The following ITPK1 variants were observed in gnomAD, a reference collection of about 807,000 sequenced individuals.
The protein encoded by ITPK1 is inositol 1,3,4-trisphosphate 5/6-kinase.
ITPK1 carries 21 observed loss-of-function variants against 45.3 expected under a neutral mutation model. That is an observed-to-expected ratio of 0.46 (90% confidence interval 0.33 to 0.67). The LOEUF (loss-of-function observed/expected upper bound fraction) is 0.67, where lower values mean the gene tolerates loss of function less well. Ranked by LOEUF, ITPK1 falls within the 30% of genes least tolerant of loss-of-function variation. The probability of loss-of-function intolerance (pLI) is 0.02; values close to 1 mark genes in which losing one functional copy is unlikely to be tolerated. For synonymous variants in ITPK1, 258 were observed against 253.6 expected (o/e 1.02, Z -0.16); for missense variants, 474 against 573.5 (o/e 0.83, Z 1.77).
rs139171544 is a variant in ITPK1 at position 93,003,053 on chromosome 14, G to A, written c.247-9056C>T. On this transcript the variant is annotated intron_variant, in intron 4 of 10. Transcript: ENST00000267615. ...CCTCTGTGAGGAGGGTCCGCGTGGC[G>A]CAGGGGGAAGAGCGTGTCAGGGCCA... Among the ~76,000 whole-genome samples, 380 of 152,354 alleles carry A rather than the reference G, an allele frequency of 2.5e-3. 2 individuals are homozygous for A. Among genetic ancestry groups the A allele is most frequent in the African/African-American group, 8.2e-3 (340 of 41,580 alleles).
intron 4 of ITPK1, among the ~76,000 whole-genome samples, chr14:93,000,096 T>C (rs887830979): frequency 2.6e-5 from 4 of 152,242 alleles, no homozygotes; most frequent in African/African-American, 4.8e-5. Context: ...TTCTTTAAGA[T>C]GAAATAGTAC....
intron 7 of ITPK1, among the ~76,000 whole-genome samples, chr14:92,961,086 T>C (rs1048526949): frequency 6.6e-6 from 1 of 152,256 alleles, no homozygotes; most frequent in Non-Finnish European, 1.5e-5. Flanking sequence ...CTGCTGCATC[T>C]TCCCCTTTTA....
intron 4 of ITPK1, among the ~76,000 whole-genome samples, chr14:93,011,751 C>T (rs1029911651): frequency 6.6e-6 from 1 of 152,158 alleles, no homozygotes; most frequent in Non-Finnish European, 1.5e-5. Flanking sequence ...TCAACTTGGA[C>T]GCACCTGGGC....
chr14:92,988,515 C>T (rs1886614882), intron 5 of ITPK1, among the ~76,000 whole-genome samples: 1 of 152,210 alleles, frequency 6.6e-6, no homozygotes, highest in African/African-American at 2.4e-5. Context: ...AGAGGGCACC[C>T]CCAGGGATGA....
At chr14:92,999,203 G>A (rs1887209055) in intron 4 of ITPK1, among the ~76,000 whole-genome samples, 1 of 152,240 alleles carries the variant, frequency 6.6e-6, no homozygotes, top group Admixed American at 6.5e-5. Context: ...TGACCCCTAA[G>A]CCAGCAGGGA....
chr14:93,057,626 G>T (rs1391065285), intron 3 of ITPK1, among the ~76,000 whole-genome samples: 1 of 152,220 alleles, frequency 6.6e-6, no homozygotes, highest in Admixed American at 6.5e-5. Context: ...GAGTGAAACG[G>T]GACCCATGAG....
rs1011717774 is a variant in ITPK1, at chr14:93,012,077, G to A, written c.246+4599C>T. ...GCTCCAAGCAGCCCAGCAGAGCCAC[G>A]TCCTCCCTCCGCAAGGCCATCAGGG... On this transcript the variant is annotated intron_variant, in intron 4 of 10. Coordinates refer to ENST00000267615, the MANE Select transcript of ITPK1 (RefSeq NM_014216.6). This position sits in a 1 kb window ranked among gnomAD's most constrained non-coding sequence, Gnocchi z 4.9. Among the ~76,000 whole-genome samples the A allele has an allele frequency of 3.3e-5, 5 of 152,034 alleles. No individual in the cohort carries two copies. The highest frequency in any genetic ancestry group is 6.6e-5 in the Admixed American group (1 of 15,262).
intron 3 of ITPK1, among the ~76,000 whole-genome samples, chr14:93,018,005 C>T (rs778276523): frequency 1.4e-4 from 21 of 152,294 alleles, no homozygotes; most frequent in Non-Finnish European, 2.4e-4. Context: ...TCTAAGGCTG[C>T]GCTTCTCACT....
At chr14:93,092,978 C>A (rs1455988463) in intron 2 of ITPK1, among the ~76,000 whole-genome samples, 6 of 152,188 alleles carry the variant, frequency 3.9e-5, no homozygotes, top group African/African-American at 1.2e-4. Flanking sequence ...AATAGTCTTT[C>A]CCTAGAGGAA....
chr14:93,050,577 G>A (rs1482862526), intron 3 of ITPK1, among the ~76,000 whole-genome samples: 8 of 152,132 alleles, frequency 5.3e-5, no homozygotes, highest in Admixed American at 4.6e-4. Context: ...TGCACACTTT[G>A]AGGGCCTGCC....
chr14:93,007,207 C>T (rs922148228), intron 4 of ITPK1, among the ~76,000 whole-genome samples: 2 of 152,234 alleles, frequency 1.3e-5, no homozygotes, highest in South Asian at 4.1e-4. Context: ...CCCCTAAGCA[C>T]CTGTCTGAAC....
At chr14:92,952,980 C>T (rs1888030991) in intron 8 of ITPK1, among the ~76,000 whole-genome samples, 1 of 152,232 alleles carries the variant, frequency 6.6e-6, no homozygotes, top group African/African-American at 2.4e-5. Context: ...GCCGCCAGCC[C>T]CAGCAGCCCC....
At chr14:93,025,901 G>A (rs925033238) in intron 3 of ITPK1, among the ~76,000 whole-genome samples, 2 of 152,196 alleles carry the variant, frequency 1.3e-5, no homozygotes, top group Admixed American at 6.5e-5. Flanking sequence ...GTTGAGGCAG[G>A]TGGATCGCCT....
In ITPK1 at chr14:92,940,012, T is replaced by C. The variant is rs1276657989; in HGVS notation, c.*1549A>G. 3 of 985,728 alleles carry C rather than the reference T, an allele frequency of 3.0e-6. No individual in the cohort carries two copies. Among genetic ancestry groups the C allele is most frequent in the Non-Finnish European group, 3.6e-6 (3 of 829,948 alleles). The allele number at this position is 985,728 out of a possible 1,614,324, so 61.1% of individuals were successfully genotyped here. A position where few individuals can be genotyped will look rare whatever the true frequency, so the allele number is the denominator to read the frequency against. On this transcript the variant is annotated 3_prime_UTR_variant, in exon 11 of 11. Transcript: ENST00000267615. ...AAAACTCAAGTCGTGTAAACGTGGT[T>C]AGTTGTTGGGTCCTCAGTTTCCAAA...
chr14:92,987,369 A>G, intron 5 of ITPK1, among the ~76,000 whole-genome samples: 1 of 152,140 alleles, frequency 6.6e-6, no homozygotes, highest in East Asian at 1.9e-4. Flanking sequence ...CCTGCCCTGA[A>G]CATCCCTGGC....
rs1166860310 is a variant in ITPK1 at position 92,939,899 on chromosome 14, C to T, written c.*1662G>A. On this transcript the variant is annotated 3_prime_UTR_variant, in exon 11 of 11. Transcript: ENST00000267615. ...TCAGTAGTTTATTTTGGAGACAAAGCAGTGCAAGAGGCCAGCCACGCTTTC... is the reference window on the plus strand; with the variant it reads ...TCAGTAGTTTATTTTGGAGACAAAGTAGTGCAAGAGGCCAGCCACGCTTTC... The T allele has an allele frequency of 2.0e-6, 2 of 985,728 alleles. No homozygotes were observed. Among genetic ancestry groups the T allele is most frequent in the Non-Finnish European group, 2.4e-6 (2 of 829,958 alleles). The allele number at this position is 985,728 out of a possible 1,614,324, so 61.1% of individuals were successfully genotyped here.
chr14:92,949,645 CCGA>C (rs1887864037), intron 9 of ITPK1, among the ~76,000 whole-genome samples: 1 of 152,224 alleles, frequency 6.6e-6, no homozygotes, highest in Admixed American at 6.5e-5. Flanking sequence ...GATTGTGGTG[CCGA>C]CGACGGGAGG....
rs553577030 is a variant in ITPK1 at position 93,034,067 on chromosome 14, G to A, written c.121-17266C>T. Among the ~76,000 whole-genome samples the A allele has an allele frequency of 6.6e-6, 1 of 151,838 alleles. No homozygotes were observed. Among genetic ancestry groups the A allele is most frequent in the Non-Finnish European group, 1.5e-5 (1 of 67,946 alleles). On this transcript the variant is annotated intron_variant, in intron 3 of 10. Coordinates refer to ENST00000267615, the MANE Select transcript of ITPK1 (RefSeq NM_014216.6). This position sits in a 1 kb window ranked among gnomAD's most constrained non-coding sequence, Gnocchi z 4.1. ...GAAAGAGTGGGCTCTGATGCTGGGA[G>A]CCCCCAGCTCCCTATCCAAAGTGTA...
chr14:92,945,737 C>A (rs1887654412), intron 10 of ITPK1, among the ~76,000 whole-genome samples: 1 of 152,184 alleles, frequency 6.6e-6, no homozygotes, highest in Admixed American at 6.5e-5. Context: ...CATAGGGCCC[C>A]TCACTGAGAG....
Sources: allele counts gnomAD v4.1 joint callset (sites outside exome capture counted in the v4.1 genomes callset), GRCh38; gene constraint gnomAD v4.1.1; non-coding constraint Gnocchi (gnomAD v3.1); transcripts MANE v1.5; gene names NCBI Gene and HGNC (gene_info 2026-07-23, HGNC 2026-07-21).